ACP6: variants seen among roughly 807,000 people sequenced by gnomAD.
ACP6 encodes lysophosphatidic acid phosphatase type 6.
In ACP6, 48 loss-of-function variants were observed where a neutral mutation model predicts 48.1. The ratio of observed to expected loss-of-function variants is 1.00; its 90% confidence interval spans 0.79 to 1.27. The LOEUF is 1.27. Ranked by LOEUF, ACP6 falls within the 50% of genes most tolerant of loss-of-function variation. ACP6 has a pLI of 0.00. For synonymous variants in ACP6, 172 were observed against 204.2 expected (o/e 0.84, Z 1.34); for missense variants, 485 against 529.1 (o/e 0.92, Z 0.82).
At chr1:147,658,877 G>A (rs1005337216) in intron 4 of ACP6, 83 bp downstream of exon 4, 54 of 1,311,834 alleles carry the variant, frequency 4.1e-5, no homozygotes, top group Non-Finnish European at 5.4e-5. Context: ...AAGGGAACAG[G>A]CACCAAGAAA....
At chr1:147,647,878 G>T in intron 9 of ACP6, 1 of 486,918 alleles carries the variant, frequency 2.1e-6, no homozygotes, top group Non-Finnish European at 3.7e-6. Flanking sequence ...TGATGAAGCA[G>T]CCAACACCAC....
At chr1:147,659,183 G>C in intron 3 of ACP6, 144 bp from the exon 4 acceptor site, 1 of 1,061,378 alleles carries the variant, frequency 9.4e-7, no homozygotes, top group Non-Finnish European at 1.3e-6. Flanking sequence ...ACTTTTCTGT[G>C]GGATGTCAGC....
intron 1 of ACP6, among the ~76,000 whole-genome samples, 170 bp from the exon 2 acceptor site, chr1:147,659,945 ATGG>A (rs1415522478): frequency 6.6e-6 from 1 of 152,210 alleles, no homozygotes; most frequent in Non-Finnish European, 1.5e-5. Context: ...GGAAGAAAAG[ATGG>A]TGATTTATTA....
chr1:147,660,284 G>A (rs1313535732), intron 1 of ACP6, among the ~76,000 whole-genome samples: 3 of 152,184 alleles, frequency 2.0e-5, no homozygotes, highest in African/African-American at 4.8e-5. Flanking sequence ...AGAAGATGTT[G>A]CTTTTTCATC....
chr1:147,650,449 A>G, intron 7 of ACP6: 1 of 496,482 alleles, frequency 2.0e-6, no homozygotes, highest in East Asian at 3.6e-5. Context: ...CAACACAGGC[A>G]CCAGCACACA....
At position 147,647,599 on chromosome 1, in the gene ACP6, G is replaced by A. The variant is rs587661314; in HGVS notation, c.1144-33C>T. On this transcript the variant is annotated intron_variant, in intron 9 of 9. Transcript: ENST00000583509. ...AGAAACATAACTCAGCAGGTCCGCC[G>A]AGGAACCTGTCCTTCTGCTATTTCC... 24 of 1,600,828 alleles carry A rather than the reference G, an allele frequency of 1.5e-5. No individual in the cohort carries two copies. The Admixed American group carries it at 2.0e-4, about 14-fold the overall frequency.
At chr1:147,648,821 T>C (rs1236013373) in intron 8 of ACP6, among the ~76,000 whole-genome samples, 2 of 152,190 alleles carry the variant, frequency 1.3e-5, no homozygotes, top group Non-Finnish European at 2.9e-5. Context: ...AGTTTTGGGG[T>C]ATTAAGTTTA....
In ACP6 at chr1:147,661,073, T is replaced by G. The variant is rs1660522889; in HGVS notation, c.220-1298A>C. Among the ~76,000 whole-genome samples the G allele has an allele frequency of 2.0e-5, 3 of 152,234 alleles. No homozygotes were observed. In the South Asian group the frequency reaches 6.2e-4, roughly 31 times the overall value. ...CATGTCTCTGTGTAAAATCTGGTAATTCTCATAATATTCCAAACTTTTTCA... is the reference window on the plus strand; with the variant it reads ...CATGTCTCTGTGTAAAATCTGGTAAGTCTCATAATATTCCAAACTTTTTCA... On this transcript the variant is annotated intron_variant, in intron 1 of 9. Coordinates refer to ENST00000583509, the MANE Select transcript of ACP6 (RefSeq NM_016361.5).
chr1:147,660,966 C>T (rs1158067160), intron 1 of ACP6, among the ~76,000 whole-genome samples: 5 of 152,118 alleles, frequency 3.3e-5, no homozygotes, highest in African/African-American at 1.2e-4. Context: ...ACAGAGATTG[C>T]ATTTTTCACA....
rs782164989 is a variant in ACP6 at position 147,647,407 on chromosome 1, T to G, written c.*16A>C. 1.2e-6 allele frequency: 2 copies of G among 1,613,852 alleles called. No homozygotes were observed. Among genetic ancestry groups the G allele is most frequent in the Non-Finnish European group, 1.7e-6 (2 of 1,179,968 alleles). On this transcript the variant is annotated 3_prime_UTR_variant, in exon 10 of 10. Coordinates refer to ENST00000583509, the MANE Select transcript of ACP6 (RefSeq NM_016361.5). ...ACTTTATTTTAAAATCAACACATCC[T>G]GCTTTTATAAATCAGTTACTCTTCA...
chr1:147,657,595 A>AT (rs1340713480), intron 4 of ACP6, among the ~76,000 whole-genome samples: 2 of 151,936 alleles, frequency 1.3e-5, no homozygotes, highest in Non-Finnish European at 2.9e-5. Flanking sequence ...TAATTTTTGT[A>AT]TTTTTAGTAC....
chr1:147,667,749 G>A (rs1660871415), intron 1 of ACP6, among the ~76,000 whole-genome samples: 2 of 152,060 alleles, frequency 1.3e-5, no homozygotes, highest in Admixed American at 1.3e-4. Context: ...CCAGCACTTT[G>A]GGAGACTTGA....
At position 147,647,580 on chromosome 1, in the gene ACP6, A is replaced by G. The variant is rs1405522678; in HGVS notation, c.1144-14T>C. 6.2e-7 allele frequency: 1 copy of G among 1,609,790 alleles called. No individual in the cohort carries two copies. The highest frequency in any genetic ancestry group is 1.3e-5 in the African/African-American group (1 of 74,892). On this transcript the variant is annotated splice_polypyrimidine_tract_variant and intron_variant, in intron 9 of 9. Transcript: ENST00000583509. The stretch of plus-strand genomic sequence containing the variant: ...CGGCACCTGCTCCTGCAGAAGAAAC[A>G]TAACTCAGCAGGTCCGCCGAGGAAC...
In ACP6 at chr1:147,644,930, T is replaced by C. The variant is rs1659567119; in HGVS notation, c.*2493A>G. The C allele has an allele frequency of 1.3e-5, 2 of 151,998 alleles. No individual in the cohort carries two copies. Among genetic ancestry groups the C allele is most frequent in the Admixed American group, 6.6e-5 (1 of 15,250 alleles). The allele number at this position is 151,998 out of a possible 1,614,324, so 9.4% of individuals were successfully genotyped here. Reference sequence around the variant, plus strand: ...TGGGATTCACAGGGAAAGGTCTAGGTTGAAGGTATAAATTTAGGAGACATT... The same window carrying C: ...TGGGATTCACAGGGAAAGGTCTAGGCTGAAGGTATAAATTTAGGAGACATT... On this transcript the variant is annotated 3_prime_UTR_variant, in exon 10 of 10. Transcript: ENST00000583509.
chr1:147,632,635 G>A (rs1032833822), intron 5 of ACP6, among the ~76,000 whole-genome samples: 2 of 151,550 alleles, frequency 1.3e-5, no homozygotes, highest in Non-Finnish European at 2.9e-5. Context: ...AGGGAGGGAA[G>A]AATGAATAGC....
At chr1:147,629,854 C>T (rs988732976) in exon 6 of ACP6, 16 of 152,136 alleles carry the variant, frequency 1.1e-4, no homozygotes, top group African/African-American at 2.9e-4. Context: ...TAAACAGACA[C>T]GAATCTATTT....
Position 147,652,487 on chromosome 1 carries a change from A to G in ACP6, c.843T>C (p.Ala281=). The G allele has an allele frequency of 6.2e-7, 1 of 1,614,094 alleles. No individual in the cohort carries two copies. Among genetic ancestry groups the G allele is most frequent in the Non-Finnish European group, 8.5e-7 (1 of 1,180,016 alleles). Residue 281 remains alanine (A), a synonymous_variant, in exon 7 of 10, where the codon GCT becomes GCC. Transcript: ENST00000583509. ...KRFARMIEQR[A]VDTSLYILPK... ...GCAGTATGTACAAGGATGTGTCCACAGCTCTCTGTTCGATCATCCTTGCAA... is the reference window on the plus strand; with the variant it reads ...GCAGTATGTACAAGGATGTGTCCACGGCTCTCTGTTCGATCATCCTTGCAA...
intron 5 of ACP6, among the ~76,000 whole-genome samples, chr1:147,636,187 A>T (rs1326493638): frequency 6.6e-6 from 1 of 152,216 alleles, no homozygotes; most frequent in African/African-American, 2.4e-5. Context: ...GCAAAGAGAT[A>T]CTGAGTTATA....
At chr1:147,661,274 G>A (rs1660531491) in intron 1 of ACP6, among the ~76,000 whole-genome samples, 1 of 151,480 alleles carries the variant, frequency 6.6e-6, no homozygotes, top group Admixed American at 6.6e-5. Flanking sequence ...TCAGCCTCCC[G>A]AGCAGCTGGG....
Sources: gnomAD v4.1 joint callset for allele counts (sites outside exome capture counted in the v4.1 genomes callset) on GRCh38, gnomAD v4.1.1 for gene constraint, MANE v1.5 for transcripts, NCBI Gene and HGNC (gene_info 2026-07-23, HGNC 2026-07-21) for gene names.